The following MAOB variants were observed in gnomAD, a reference collection of about 807,000 sequenced individuals.
MAOB encodes the protein amine oxidase [flavin-containing] B.
A neutral mutation model predicts 41.9 loss-of-function variants in MAOB; 15 were observed. The observed-to-expected ratio is 0.36, with a 90% confidence interval of 0.24 to 0.55. MAOB has a LOEUF of 0.55. MAOB is among the 20% of genes least tolerant of loss of function. The pLI is 0.86. For synonymous variants in MAOB, 167 were observed against 144.2 expected, an observed-to-expected ratio of 1.16 and a Z score of -1.13; for missense variants, 345 against 398.7, an observed-to-expected ratio of 0.87 and a Z score of 1.15.
intron 1 of MAOB, among the ~76,000 whole-genome samples, chrX:43,867,121 T>G (rs981158970): frequency 8.9e-6 from 1 of 112,046 alleles, no homozygotes; most frequent in Non-Finnish European, 1.9e-5. Flanking sequence ...TTCATGTGTA[T>G]GAAAATAAGT....
intron 8 of MAOB, among the ~76,000 whole-genome samples, chrX:43,793,206 G>A (rs1378047636): frequency 1.8e-5 from 2 of 111,721 alleles, no homozygotes; most frequent in African/African-American, 6.5e-5. Flanking sequence ...TACAGCAAGA[G>A]TTGAAAACCT....
At chrX:43,837,347 A>C (rs1048897802) in intron 3 of MAOB, among the ~76,000 whole-genome samples, 1 of 112,212 alleles carries the variant, frequency 8.9e-6, no homozygotes, top group Non-Finnish European at 1.9e-5. Context: ...AGGAAGGTGG[A>C]AAGGCTTATA....
Position 43,767,588 on chromosome X carries a change from A to C in MAOB, c.1441T>G (p.Phe481Val). 1 of 1,210,816 alleles carries C rather than the reference A, an allele frequency of 8.3e-7. No homozygotes were observed. Among genetic ancestry groups the C allele is most frequent in the Non-Finnish European group, 1.1e-6 (1 of 894,958 alleles). ...ACGGAGGGCAAATGTCTCTCCAAAA[A>C]GGTGGTGGTGATGGGCTGTGCAGGG... is the stretch of plus-strand genomic sequence containing the variant. Reference protein sequence around the residue: ...DVPAQPITTTFLERHLPSVPG... With the variant: ...DVPAQPITTTVLERHLPSVPG... Residue 481 changes from phenylalanine to valine, a missense_variant, in exon 15 of 15, where the codon TTT becomes GTT. Physicochemically the swap from Phe to Val is conservative, Grantham distance 50. Coordinates refer to ENST00000378069, the MANE Select transcript of MAOB (RefSeq NM_000898.5).
chrX:43,850,781 G>A (rs755212532), intron 1 of MAOB, among the ~76,000 whole-genome samples: 2 of 112,205 alleles, frequency 1.8e-5, no homozygotes, highest in South Asian at 7.4e-4. Flanking sequence ...GCCTCAGGCT[G>A]TGGGATGATT....
chrX:43,832,970 AAT>A (rs2035034768), intron 3 of MAOB, among the ~76,000 whole-genome samples: 1 of 111,332 alleles, frequency 9.0e-6, no homozygotes, highest in Non-Finnish European at 1.9e-5. Flanking sequence ...CGATTTTTCC[AAT>A]ATGTGAGAGT....
At chrX:43,817,123 C>T (rs2034824468) in intron 3 of MAOB, among the ~76,000 whole-genome samples, 1 of 106,442 alleles carries the variant, frequency 9.4e-6, no homozygotes, top group African/African-American at 3.4e-5. Context: ...TCTTCATCTT[C>T]TTCTTCTTCT....
chrX:43,793,312 G>A (rs780153194), intron 8 of MAOB, 107 bp downstream of exon 8: 2 of 567,134 alleles, frequency 3.5e-6, no homozygotes, highest in South Asian at 6.9e-5. Flanking sequence ...ATCTGCACAT[G>A]TACCCCTGAA....
At chrX:43,803,891 G>T (rs757018499) in intron 3 of MAOB, among the ~76,000 whole-genome samples, 2 of 110,853 alleles carry the variant, frequency 1.8e-5, no homozygotes, top group Non-Finnish European at 3.8e-5. Flanking sequence ...CTTTCCCAAG[G>T]ACTCAGATGT....
In MAOB at chrX:43,876,011, G is replaced by T. The variant is rs746572110; in HGVS notation, c.46+6243C>A. ...TCTCACTCTGTCTCCCAGGCTGGAG[G>T]GCAGTGGCACAATCTCGGCTCACTG... is the stretch of plus-strand genomic sequence containing the variant. On this transcript the variant is annotated intron_variant, in intron 1 of 14. Coordinates refer to ENST00000378069, the MANE Select transcript of MAOB (RefSeq NM_000898.5). Among the ~76,000 whole-genome samples the T allele has an allele frequency of 3.6e-5, 4 of 110,945 alleles. No homozygotes were observed. In the East Asian group the frequency reaches 1.1e-3, roughly 32 times the overall value.
At chrX:43,828,378 T>G (rs2147155889) in intron 3 of MAOB, among the ~76,000 whole-genome samples, 1 of 111,615 alleles carries the variant, frequency 9.0e-6, no homozygotes, top group East Asian at 2.8e-4. Flanking sequence ...ATACTTTTTT[T>G]TAAATTCCTG....
chrX:43,857,110 TATATATAGAGAGAGAGAG>T (rs1172758624), intron 1 of MAOB, among the ~76,000 whole-genome samples: 73 of 19,798 alleles, frequency 3.7e-3, no homozygotes, highest in Non-Finnish European at 4.4e-3. Context: ...TATATATATA[TATATATAGAGAGAGAGAG>T]AGAGAGAGAG....
chrX:43,808,650 A>G (rs2034699513), intron 3 of MAOB, among the ~76,000 whole-genome samples: 1 of 96,583 alleles, frequency 1.0e-5, no homozygotes, highest in African/African-American at 4.2e-5. Flanking sequence ...ATCTATATCT[A>G]TATCTATATC....
At chrX:43,797,645 C>T (rs918473120) in intron 5 of MAOB, among the ~76,000 whole-genome samples, 3 of 111,859 alleles carry the variant, frequency 2.7e-5, no homozygotes, top group African/African-American at 9.8e-5. Context: ...AATCTTCCCC[C>T]ATCCAATTCA....
chrX:43,858,539 T>A (rs1400974975), intron 1 of MAOB, among the ~76,000 whole-genome samples: 1 of 110,133 alleles, frequency 9.1e-6, no homozygotes, highest in Non-Finnish European at 1.9e-5. Context: ...TTCCACCTCA[T>A]CCCCCAAAAT....
intron 1 of MAOB, among the ~76,000 whole-genome samples, chrX:43,845,309 C>T (rs192620289): frequency 3.6e-4 from 40 of 111,724 alleles, no homozygotes; most frequent in Admixed American, 3.2e-3. Flanking sequence ...TGCCTTACAA[C>T]GTAAATAAAA....
intron 1 of MAOB, among the ~76,000 whole-genome samples, chrX:43,847,249 C>A (rs2035213188): frequency 9.0e-6 from 1 of 110,981 alleles, no homozygotes; most frequent in South Asian, 3.8e-4. Flanking sequence ...TAGGCTGAGG[C>A]AGGGAGAATT....
chrX:43,775,308 C>T, intron 11 of MAOB, 36 bp from the exon 12 acceptor site: 1 of 1,187,604 alleles, frequency 8.4e-7, no homozygotes. Flanking sequence ...GAAGGAGACT[C>T]AGAGAAAGCT....
intron 1 of MAOB, among the ~76,000 whole-genome samples, chrX:43,879,408 A>T (rs2035459972): frequency 8.9e-6 from 1 of 112,208 alleles, no homozygotes; most frequent in Admixed American, 9.4e-5. Flanking sequence ...CGCAGAGTCA[A>T]ATCCAGAGAC....
chrX:43,802,599 T>C (rs193225870), intron 4 of MAOB, among the ~76,000 whole-genome samples: 1 of 111,832 alleles, frequency 8.9e-6, no homozygotes, highest in Non-Finnish European at 1.9e-5. Context: ...ACTCATAAAT[T>C]TAACTATTTA....
Sources: gnomAD v4.1 joint callset for allele counts (sites outside exome capture counted in the v4.1 genomes callset) on GRCh38, gnomAD v4.1.1 for gene constraint, MANE v1.5 for transcripts, NCBI Gene and HGNC (gene_info 2026-07-23, HGNC 2026-07-21) for gene names.